Variants in AK3 observed in about 807,000 individuals in gnomAD.
AK3 encodes adenylate kinase 3.
In AK3, 27 loss-of-function variants were observed where a neutral mutation model predicts 23.7. The observed-to-expected ratio is 1.14, with a 90% CI of 0.84 to 1.57. AK3 has a LOEUF of 1.57. Ranked by LOEUF, AK3 falls within the 40% of genes most tolerant of loss-of-function variation. The pLI, the probability that AK3 is intolerant of heterozygous loss-of-function variation, is 0.00. For missense variants in AK3, 406 were observed against 285.6 expected (o/e 1.42, Z -3.04); for synonymous variants, 159 against 116.0 (o/e 1.37, Z -2.38).
chr9:4,722,516 C>T lies in AK3; in HGVS notation c.261G>A (p.Trp87Ter), dbSNP rs1191416655. Reference sequence around the variant, plus strand: ...TGAGACTCCACTTACCATCCAACAGCCAGCTATACTGGGTGAGATTTTTCA... The same window carrying T: ...TGAGACTCCACTTACCATCCAACAGTCAGCTATACTGGGTGAGATTTTTCA... ...HELKNLTQYS[W>*]LLDGFPRTLP... The change falls in exon 2 of 5, where the codon TGG becomes TGA. Residue 87 changes from tryptophan to a stop codon, truncating the protein, a stop_gained. Transcript: ENST00000381809. LOFTEE classifies it high-confidence loss of function. The T allele has an allele frequency of 3.7e-6, 6 of 1,614,086 alleles. No individual in the cohort carries two copies. The highest frequency in any genetic ancestry group is 3.3e-5 in the South Asian group (3 of 91,078).
intron 1 of AK3, among the ~76,000 whole-genome samples, chr9:4,728,919 A>T (rs1416141004): frequency 2.7e-5 from 4 of 147,668 alleles, no homozygotes; most frequent in South Asian, 4.2e-4. Flanking sequence ...ATATACATAC[A>T]TATAAATATA....
chr9:4,740,040 T>G (rs1178663644), intron 1 of AK3, among the ~76,000 whole-genome samples: 2 of 135,442 alleles, frequency 1.5e-5, no homozygotes, highest in Non-Finnish European at 3.1e-5. Context: ...TATGCACGTC[T>G]ATCCTGTTTG....
Position 4,741,025 on chromosome 9 carries a change from G to A in AK3, c.63C>T (p.Gly21=). 6.3e-7 allele frequency: 1 copy of A among 1,586,574 alleles called. No individual in the cohort carries two copies. Among genetic ancestry groups the A allele is most frequent in the Non-Finnish European group, 8.6e-7 (1 of 1,168,704 alleles). ...VIMGAPGSGK[G]TVSSRITTHF... Reference sequence around the variant, plus strand: ...GTGTAGTGATGCGCGACGACACGGTGCCCTTGCCCGAGCCCGGGGCCCCCA... The same window carrying A: ...GTGTAGTGATGCGCGACGACACGGTACCCTTGCCCGAGCCCGGGGCCCCCA... The change falls in exon 1 of 5, where the codon GGC becomes GGT. Residue 21 remains glycine, a synonymous_variant. Coordinates refer to ENST00000381809, the MANE Select transcript of AK3 (RefSeq NM_016282.4).
rs765592032 is a variant in AK3, at chr9:4,740,998, G to A, written c.90C>T (p.His30=). The A allele has an allele frequency of 1.3e-6, 2 of 1,595,224 alleles. No individual in the cohort carries two copies. The highest frequency in any genetic ancestry group is 1.4e-5 in the African/African-American group (1 of 72,454). The change falls in exon 1 of 5, where the codon CAC becomes CAT. Residue 30 remains histidine (H), a synonymous_variant. Transcript: ENST00000381809. ...CGCTGGAGAGGTGCTTCAGCTCGAA[G>A]TGTGTAGTGATGCGCGACGACACGG... is the stretch of plus-strand genomic sequence containing the variant. ...KGTVSSRITT[H]FELKHLSSGD... is the part of the protein sequence containing the mutation.
At chr9:4,715,004 A>G (rs1294944562) in intron 4 of AK3, among the ~76,000 whole-genome samples, 1 of 152,086 alleles carries the variant, frequency 6.6e-6, no homozygotes, top group Non-Finnish European at 1.5e-5. Context: ...GGATCACTTG[A>G]GGTCAGGAGT....
At chr9:4,730,175 G>T (rs1378353999) in intron 1 of AK3, among the ~76,000 whole-genome samples, 1 of 152,162 alleles carries the variant, frequency 6.6e-6, no homozygotes, top group East Asian at 1.9e-4. Context: ...GGCTGGGAGG[G>T]TTGGGGAGAA....
chr9:4,730,395 G>GA (rs145905694), intron 1 of AK3, among the ~76,000 whole-genome samples: 12,656 of 150,636 alleles, frequency 0.084, 615 homozygotes, highest in African/African-American at 0.13. Context: ...TTCCCAGTAA[G>GA]AAAAAAAATA....
At chr9:4,717,657 C>G (rs886157527) in intron 4 of AK3, among the ~76,000 whole-genome samples, 10 of 152,200 alleles carry the variant, frequency 6.6e-5, no homozygotes, top group African/African-American at 2.4e-4. Flanking sequence ...CCTCGAGCAC[C>G]TGTACAACCA....
At chr9:4,738,726 A>G (rs1249755250) in intron 1 of AK3, among the ~76,000 whole-genome samples, 3 of 148,274 alleles carry the variant, frequency 2.0e-5, no homozygotes, top group African/African-American at 7.5e-5. Context: ...CATGAAATAG[A>G]TATAGTTTCC....
chr9:4,713,012 A>C lies in AK3; in HGVS notation c.648T>G (p.Val216=). The change falls in exon 5 of 5, where the codon GTT becomes GTG. Residue 216 remains valine (V), a synonymous_variant. Coordinates refer to ENST00000381809, the MANE Select transcript of AK3 (RefSeq NM_016282.4). ...PYVYAFLQTK[V]PQRSQKASVT... ...CTGAAGCTTTCTGGCTTCTTTGTGG[A>C]ACTTTAGTTTGTAGGAAAGCATATA... 1 of 1,613,678 alleles carries C rather than the reference A, an allele frequency of 6.2e-7. No individual in the cohort carries two copies.
At chr9:4,716,466 C>T (rs76413483) in intron 4 of AK3, among the ~76,000 whole-genome samples, 1,928 of 152,278 alleles carry the variant, frequency 0.013, 40 homozygotes, top group African/African-American at 0.042. Context: ...TTAATATTGC[C>T]TGATTTTACA....
In AK3 at chr9:4,718,515, T is replaced by TC; in HGVS notation, c.466dup (p.Glu156GlyfsTer7). 2 of 1,613,694 alleles carry TC rather than the reference T, an allele frequency of 1.2e-6. No homozygotes were observed. Among genetic ancestry groups the TC allele is most frequent in the African/African-American group, 1.3e-5 (1 of 75,020 alleles). On this transcript the variant is annotated frameshift_variant, in exon 4 of 5. Transcript: ENST00000381809. LOFTEE classifies it high-confidence loss of function. ...ATCATCCTCACGCTGAATGAGAGGC[T>TC]CCCCAGTCAGGTCATCAATGCCCTA...
At position 4,712,817 on chromosome 9, in the gene AK3, T is replaced by C. The variant is rs915726706; in HGVS notation, c.*159A>G. On this transcript the variant is annotated 3_prime_UTR_variant, in exon 5 of 5. Coordinates refer to ENST00000381809, the MANE Select transcript of AK3 (RefSeq NM_016282.4). Reference sequence around the variant, plus strand: ...CGATGCATCTTAGTATCCGAATCATTTGGCACATCCTTAGTATCCAAAATA... The same window carrying C: ...CGATGCATCTTAGTATCCGAATCATCTGGCACATCCTTAGTATCCAAAATA... 4 of 746,112 alleles carry C rather than the reference T, an allele frequency of 5.4e-6. No homozygotes were observed. The highest frequency in any genetic ancestry group is 1.8e-5 in the African/African-American group (1 of 56,444). The allele number at this position is 746,112 out of a possible 1,614,324, so 46.2% of individuals were successfully genotyped here. A position where few individuals can be genotyped will look rare whatever the true frequency, so the allele number is the denominator to read the frequency against.
intron 1 of AK3, among the ~76,000 whole-genome samples, chr9:4,732,374 C>G (rs1016912045): frequency 6.6e-6 from 1 of 152,160 alleles, no homozygotes; most frequent in Non-Finnish European, 1.5e-5. Context: ...TCCTGGTCAA[C>G]AGTAGGCTAT....
chr9:4,723,319 AATC>A (rs1841948284), intron 1 of AK3, among the ~76,000 whole-genome samples: 2 of 152,234 alleles, frequency 1.3e-5, no homozygotes, highest in African/African-American at 2.4e-5. Flanking sequence ...AAGAATCTGA[AATC>A]ATCATTATTT....
Position 4,733,933 on chromosome 9 carries a change from C to T in AK3, c.151+7004G>A, listed in dbSNP as rs77222416. ...CCTCCTAGGGAACTGGAAGCTCCCC[C>T]TCTGGACTTCCAAATGTCACAGACT... is the stretch of plus-strand genomic sequence containing the variant. On this transcript the variant is annotated intron_variant, in intron 1 of 4. Transcript: ENST00000381809. 7.9e-3 allele frequency among the ~76,000 whole-genome samples: 1,200 copies of T among 152,336 alleles called. 21 individuals carry two copies. Among genetic ancestry groups the T allele is most frequent in the African/African-American group, 0.028 (1,153 of 41,574 alleles).
chr9:4,740,294 G>A (rs1842397810), intron 1 of AK3, among the ~76,000 whole-genome samples: 1 of 150,338 alleles, frequency 6.7e-6, no homozygotes, highest in Non-Finnish European at 1.5e-5. Flanking sequence ...ACTGCCTTTC[G>A]TGCCGAGCTG....
intron 1 of AK3, among the ~76,000 whole-genome samples, chr9:4,730,030 G>A (rs1276227341): frequency 2.0e-5 from 3 of 151,990 alleles, no homozygotes; most frequent in East Asian, 3.8e-4. Context: ...ACATGTTACA[G>A]CATAGATGAA....
At chr9:4,715,480 G>C (rs1033272136) in intron 4 of AK3, among the ~76,000 whole-genome samples, 5 of 146,316 alleles carry the variant, frequency 3.4e-5, no homozygotes, top group African/African-American at 1.3e-4. Flanking sequence ...CTGCAGTCTT[G>C]ACCCACTGGG....
Sources: gnomAD v4.1 joint callset for allele counts (sites outside exome capture counted in the v4.1 genomes callset) on GRCh38, gnomAD v4.1.1 for gene constraint, MANE v1.5 for transcripts, NCBI Gene and HGNC (gene_info 2026-07-23, HGNC 2026-07-21) for gene names.